The following RBFOX1 variants were observed in gnomAD, a reference collection of about 807,000 sequenced individuals.
RBFOX1 encodes RNA binding protein fox-1 homolog 1.
RBFOX1 carries 8 observed loss-of-function variants against 57.7 expected under a neutral mutation model. The ratio of observed to expected loss-of-function variants is 0.14; its 90% CI spans 0.08 to 0.25. The LOEUF is 0.25. Among genes scored for constraint, RBFOX1 ranks in the 10% least tolerant of loss-of-function variants. The pLI is 1.00. For missense variants in RBFOX1, 611 were observed against 548.5 expected (o/e 1.11, Z -1.14); for synonymous variants, 326 against 222.4 (o/e 1.47, Z -4.15).
chr16:6,600,699 A>C (rs1361599847), intron 2 of RBFOX1, among the ~76,000 whole-genome samples: 1 of 152,208 alleles, frequency 6.6e-6, no homozygotes. Flanking sequence ...TTATAGATTT[A>C]CCATTTAGGA....
intron 13 of RBFOX1, among the ~76,000 whole-genome samples, chr16:7,667,441 C>G (rs568358154): frequency 1.3e-5 from 2 of 152,308 alleles, no homozygotes; most frequent in South Asian, 4.1e-4. Flanking sequence ...TACCCTACCT[C>G]CCTTGAGATA....
intron 2 of RBFOX1, among the ~76,000 whole-genome samples, chr16:6,641,156 ATAAT>A (rs2098484393): frequency 1.3e-5 from 2 of 152,164 alleles, no homozygotes; most frequent in South Asian, 4.1e-4. Context: ...CAAAGTGTAA[ATAAT>A]TACCCCGTAA....
intron 1 of RBFOX1, among the ~76,000 whole-genome samples, chr16:5,309,767 C>T (rs2064034191): frequency 6.6e-6 from 1 of 152,140 alleles, no homozygotes; most frequent in South Asian, 2.1e-4. Context: ...CCAAGGGAAG[C>T]AATTTTATTA....
chr16:6,586,195 G>C (rs1187761147), intron 2 of RBFOX1, among the ~76,000 whole-genome samples: 2 of 152,166 alleles, frequency 1.3e-5, no homozygotes, highest in Non-Finnish European at 1.5e-5. Flanking sequence ...TGTGCATTCA[G>C]ACTACAGAGT....
At chr16:7,338,067 G>C (rs2096826396) in intron 4 of RBFOX1, among the ~76,000 whole-genome samples, 1 of 152,160 alleles carries the variant, frequency 6.6e-6, no homozygotes, top group African/African-American at 2.4e-5. Context: ...ATTTTTGTAA[G>C]TTCCAGGGTA....
chr16:6,845,004 G>A (rs1028653963), intron 3 of RBFOX1, among the ~76,000 whole-genome samples: 3 of 152,062 alleles, frequency 2.0e-5, no homozygotes, highest in African/African-American at 7.2e-5. Context: ...GTCTGTTTAT[G>A]TCCTTTGCCC....
At chr16:6,914,952 C>A (rs760568695) in intron 3 of RBFOX1, among the ~76,000 whole-genome samples, 1 of 152,168 alleles carries the variant, frequency 6.6e-6, no homozygotes, top group Non-Finnish European at 1.5e-5. Flanking sequence ...AGAAGTAAAT[C>A]GGATAGTGCC....
chr16:5,242,118 A>G (rs1465380921), intron 1 of RBFOX1, among the ~76,000 whole-genome samples: 3 of 151,046 alleles, frequency 2.0e-5, no homozygotes, highest in African/African-American at 4.9e-5. Flanking sequence ...TGTTTCAAGG[A>G]AAAGAGAGAG....
chr16:6,518,356 G>A (rs1567529289), intron 2 of RBFOX1, among the ~76,000 whole-genome samples: 1 of 152,186 alleles, frequency 6.6e-6, no homozygotes. Context: ...AGAGATTCAT[G>A]GCTCAAGGCT....
At chr16:6,686,590 G>C (rs1187653570) in intron 3 of RBFOX1, among the ~76,000 whole-genome samples, 1 of 152,126 alleles carries the variant, frequency 6.6e-6, no homozygotes, top group East Asian at 1.9e-4. Flanking sequence ...TCTTCAATAG[G>C]GGTGAGACAG....
At chr16:5,676,910 A>G (rs1039852688) in intron 3 of RBFOX1, among the ~76,000 whole-genome samples, 1 of 152,234 alleles carries the variant, frequency 6.6e-6, no homozygotes. Flanking sequence ...GTACTATTCA[A>G]TAAATGTTGG....
intron 2 of RBFOX1, among the ~76,000 whole-genome samples, chr16:5,528,285 C>G (rs77110775): frequency 2.0e-5 from 3 of 152,024 alleles, no homozygotes; most frequent in African/African-American, 4.8e-5. Flanking sequence ...GAGTGTAGGA[C>G]CTGCAGATTT....
At chr16:5,478,885 C>G (rs1279519831) in intron 2 of RBFOX1, among the ~76,000 whole-genome samples, 1 of 152,134 alleles carries the variant, frequency 6.6e-6, no homozygotes, top group Non-Finnish European at 1.5e-5. Context: ...GTCAGGCAAC[C>G]CTCTCTGTCT....
At chr16:6,425,875 A>T (rs1013457151) in intron 2 of RBFOX1, among the ~76,000 whole-genome samples, 4 of 152,132 alleles carry the variant, frequency 2.6e-5, no homozygotes, top group Non-Finnish European at 5.9e-5. Context: ...AATCATTGTC[A>T]AGTGTACAAT....
chr16:6,775,169 C>CCA, intron 3 of RBFOX1, among the ~76,000 whole-genome samples: 1 of 84,082 alleles, frequency 1.2e-5, no homozygotes, highest in East Asian at 2.6e-4. Context: ...ACTAAAAGTA[C>CCA]AAAAAAAAAA....
chr16:6,502,885 T>C (rs1406104287), intron 2 of RBFOX1, among the ~76,000 whole-genome samples: 1 of 152,198 alleles, frequency 6.6e-6, no homozygotes, highest in Non-Finnish European at 1.5e-5. Flanking sequence ...TTTATAGCAA[T>C]GCCATGTTAC....
chr16:7,590,827 C>T lies in RBFOX1; in HGVS notation c.468+3527C>T, dbSNP rs557962694. ...TGAGCCGAGATCAAGACATTGCATT[C>T]CAGCCTGGGCAAGAAGAGGGAAGTT... On this transcript the variant is annotated intron_variant, in intron 7 of 15. Transcript: ENST00000550418. Among the ~76,000 whole-genome samples, 8 of 144,086 alleles carry T rather than the reference C, an allele frequency of 5.6e-5. No individual in the cohort carries two copies. In the South Asian group the frequency reaches 1.6e-3, roughly 29 times the overall value. 94.5% of individuals were successfully genotyped at this position (144,086 alleles called of 152,430 possible). A position where few individuals can be genotyped will look rare whatever the true frequency, so the allele number is the denominator to read the frequency against.
At chr16:5,411,913 A>G (rs1268280735) in intron 1 of RBFOX1, among the ~76,000 whole-genome samples, 1 of 151,960 alleles carries the variant, frequency 6.6e-6, no homozygotes, top group African/African-American at 2.4e-5. Flanking sequence ...AATGAACCCC[A>G]CTGCTCCTTT....
rs36126173 is a variant in RBFOX1 at position 6,874,183 on chromosome 16, A to ACC, written c.-15-177873_-15-177872insCC. ...GATAAAGAAACTATGGTGTGTGCATACACACACAAACACATGCTACTCAGC... is the reference window on the plus strand; with the variant it reads ...GATAAAGAAACTATGGTGTGTGCATACCCACACACAAACACATGCTACTCAGC... On this transcript the variant is annotated intron_variant, in intron 3 of 15. Coordinates refer to ENST00000550418, the MANE Select transcript of RBFOX1 (RefSeq NM_018723.4). Among the ~76,000 whole-genome samples, 64 of 10,502 alleles carry ACC rather than the reference A, an allele frequency of 6.1e-3. No homozygotes were observed. The African/African-American group carries it at 0.19, about 32-fold the overall frequency. The allele number at this position is 10,502 out of a possible 152,430, so 6.9% of individuals were successfully genotyped here. A position where few individuals can be genotyped will look rare whatever the true frequency, so the allele number is the denominator to read the frequency against.
Sources: allele counts gnomAD v4.1 joint callset (sites outside exome capture counted in the v4.1 genomes callset), GRCh38; gene constraint gnomAD v4.1.1; transcripts MANE v1.5; gene names NCBI Gene and HGNC (gene_info 2026-07-23, HGNC 2026-07-21).